The following TEC variants were observed in gnomAD, a reference collection of about 807,000 sequenced individuals.
TEC encodes the protein tyrosine-protein kinase Tec.
In TEC, 72 loss-of-function variants were observed where a neutral mutation model predicts 93.0. The observed-to-expected ratio is 0.77, with a 90% CI of 0.64 to 0.94. The LOEUF is 0.94. Ranked by LOEUF, TEC falls within the 40% of genes least tolerant of loss-of-function variation. The pLI is 0.00. For synonymous variants in TEC, 249 were observed against 247.7 expected, an observed-to-expected ratio of 1.01 and a Z score of -0.05; for missense variants, 630 against 757.9, an observed-to-expected ratio of 0.83 and a Z score of 1.98.
intron 1 of TEC, among the ~76,000 whole-genome samples, chr4:48,242,838 G>C: frequency 6.6e-6 from 1 of 152,094 alleles, no homozygotes; most frequent in East Asian, 1.9e-4. Flanking sequence ...AATATATAAA[G>C]TGAGCCTCAT....
At chr4:48,251,578 G>A (rs942470084) in intron 1 of TEC, among the ~76,000 whole-genome samples, 2 of 152,130 alleles carry the variant, frequency 1.3e-5, no homozygotes, top group Non-Finnish European at 2.9e-5. Flanking sequence ...AACCTGTTCT[G>A]TGCATTCACC....
chr4:48,213,902 G>C (rs1447055650), intron 2 of TEC, among the ~76,000 whole-genome samples: 11 of 152,208 alleles, frequency 7.2e-5, no homozygotes, highest in South Asian at 4.1e-4. Context: ...GTGATCCTCT[G>C]ACCTCAGCCT....
intron 3 of TEC, among the ~76,000 whole-genome samples, chr4:48,173,153 A>G (rs1553887567): frequency 1.3e-5 from 2 of 151,758 alleles, no homozygotes; most frequent in Non-Finnish European, 2.9e-5. Flanking sequence ...AGGATATTTA[A>G]CCCCCAAATA....
intron 2 of TEC, among the ~76,000 whole-genome samples, chr4:48,211,092 C>T (rs1480351092): frequency 6.6e-6 from 1 of 152,138 alleles, no homozygotes; most frequent in Non-Finnish European, 1.5e-5. Context: ...AGTAATTTGT[C>T]CTAGGTCATG....
intron 2 of TEC, among the ~76,000 whole-genome samples, chr4:48,192,536 G>A (rs1398064161): frequency 6.6e-6 from 1 of 152,042 alleles, no homozygotes; most frequent in Non-Finnish European, 1.5e-5. Flanking sequence ...AAAAAATATG[G>A]CCCCTGCTCT....
chr4:48,152,814 TG>T (rs1720229621), intron 9 of TEC, among the ~76,000 whole-genome samples: 1 of 152,228 alleles, frequency 6.6e-6, no homozygotes, highest in South Asian at 2.1e-4. Context: ...CACCTACTAT[TG>T]TTTTTTTAAC....
chr4:48,147,848 C>T (rs1409608406), intron 11 of TEC, among the ~76,000 whole-genome samples: 2 of 151,972 alleles, frequency 1.3e-5, no homozygotes, highest in Admixed American at 6.6e-5. Flanking sequence ...TGTGTCAAGC[C>T]CTGTTCATTT....
At chr4:48,168,906 A>G (rs1720987278) in intron 5 of TEC, among the ~76,000 whole-genome samples, 1 of 152,198 alleles carries the variant, frequency 6.6e-6, no homozygotes, top group Non-Finnish European at 1.5e-5. Flanking sequence ...TAAACTGGGC[A>G]CTCAATAATG....
intron 12 of TEC, among the ~76,000 whole-genome samples, chr4:48,146,065 G>C (rs1044978210): frequency 5.9e-5 from 9 of 152,154 alleles, no homozygotes; most frequent in Non-Finnish European, 7.3e-5. Context: ...TGAGAACCAG[G>C]AAGGGCTTTG....
chr4:48,245,956 A>G (rs1037850331), intron 1 of TEC, among the ~76,000 whole-genome samples: 3 of 152,118 alleles, frequency 2.0e-5, no homozygotes, highest in Admixed American at 2.0e-4. Context: ...TTAAAAATAC[A>G]AAATTATCCT....
intron 1 of TEC, among the ~76,000 whole-genome samples, chr4:48,253,677 C>T (rs539273851): frequency 6.7e-6 from 1 of 148,854 alleles, no homozygotes; most frequent in South Asian, 2.1e-4. Flanking sequence ...CAGGTTCAAA[C>T]AATTCTCCTG....
chr4:48,223,852 G>C (rs1723347060), intron 2 of TEC, among the ~76,000 whole-genome samples: 1 of 152,132 alleles, frequency 6.6e-6, no homozygotes, highest in South Asian at 2.1e-4. Context: ...TGGAACCTTG[G>C]TACACTAGGC....
At chr4:48,169,854 T>C (rs1370269364) in intron 5 of TEC, among the ~76,000 whole-genome samples, 1 of 152,236 alleles carries the variant, frequency 6.6e-6, no homozygotes, top group Non-Finnish European at 1.5e-5. Context: ...CTGAAATCCA[T>C]ACTGCTATAC....
chr4:48,255,358 A>G (rs1724314382), intron 1 of TEC, among the ~76,000 whole-genome samples: 2 of 152,134 alleles, frequency 1.3e-5, no homozygotes, highest in Non-Finnish European at 2.9e-5. Flanking sequence ...ATTGAGCCAG[A>G]CTGGATCACA....
chr4:48,263,454 C>G (rs1305223726), intron 1 of TEC, among the ~76,000 whole-genome samples: 6 of 152,208 alleles, frequency 3.9e-5, no homozygotes, highest in African/African-American at 1.2e-4. Context: ...TGGCTCACAC[C>G]TGTAATCTCA....
chr4:48,141,491 T>C lies in TEC; in HGVS notation c.1471-72A>G, dbSNP rs1009325893. On this transcript the variant is annotated intron_variant, in intron 14 of 17. Coordinates refer to ENST00000381501, the MANE Select transcript of TEC (RefSeq NM_003215.3). ...TTTAAGTAGGAAAATGTAAGTTCTA[T>C]TTATATTAAATTTAGTGTAACCTAG... is the stretch of plus-strand genomic sequence containing the variant. 73 of 1,446,984 alleles carry C rather than the reference T, an allele frequency of 5.0e-5. No individual in the cohort carries two copies. In the African/African-American group the frequency reaches 8.7e-4, roughly 17 times the overall value. 89.6% of individuals were successfully genotyped at this position (1,446,984 alleles called of 1,614,324 possible).
intron 1 of TEC, among the ~76,000 whole-genome samples, chr4:48,258,508 T>C (rs1294993616): frequency 6.6e-6 from 1 of 152,176 alleles, no homozygotes; most frequent in African/African-American, 2.4e-5. Context: ...CTTTTTCATG[T>C]CCCAAAGGGT....
chr4:48,148,168 T>A (rs1719997067), intron 11 of TEC, among the ~76,000 whole-genome samples: 1 of 152,144 alleles, frequency 6.6e-6, no homozygotes, highest in Admixed American at 6.6e-5. Flanking sequence ...AATTAGATTA[T>A]GCTGATAGTT....
chr4:48,236,624 C>G (rs1723793707), intron 1 of TEC, among the ~76,000 whole-genome samples: 1 of 152,158 alleles, frequency 6.6e-6, no homozygotes, highest in Admixed American at 6.5e-5. Flanking sequence ...AACATAAACC[C>G]CTTTTCTATC....
Sources: gnomAD v4.1 joint callset for allele counts (sites outside exome capture counted in the v4.1 genomes callset) on GRCh38, gnomAD v4.1.1 for gene constraint, MANE v1.5 for transcripts, NCBI Gene and HGNC (gene_info 2026-07-23, HGNC 2026-07-21) for gene names.